BCKDHB: variants seen among roughly 807,000 people sequenced by gnomAD.
BCKDHB encodes the protein branched chain keto acid dehydrogenase E1 subunit beta, also known as 2-oxoisovalerate dehydrogenase subunit beta, mitochondrial.
A neutral mutation model predicts 48.5 loss-of-function variants in BCKDHB; 41 were observed. The observed-to-expected ratio is 0.85, with a 90% CI of 0.66 to 1.10. The LOEUF (loss-of-function observed/expected upper bound fraction) is 1.10, where lower values mean the gene tolerates loss of function less well. BCKDHB is among the 50% of genes least tolerant of loss of function. BCKDHB has a pLI of 0.00. For missense variants in BCKDHB, 496 were observed against 494.2 expected, an observed-to-expected ratio of 1.00 and a Z score of -0.03; for synonymous variants, 201 against 174.8, an observed-to-expected ratio of 1.15 and a Z score of -1.18.
At chr6:80,236,619 A>G (rs1342645269) in intron 8 of BCKDHB, among the ~76,000 whole-genome samples, 1 of 152,204 alleles carries the variant, frequency 6.6e-6, no homozygotes, top group Non-Finnish European at 1.5e-5. Flanking sequence ...AGGTAGTTAC[A>G]TTGAAAATAC....
At chr6:80,125,622 C>A (rs560956027) in intron 1 of BCKDHB, among the ~76,000 whole-genome samples, 11 of 152,192 alleles carry the variant, frequency 7.2e-5, no homozygotes, top group African/African-American at 2.6e-4. Context: ...CACTGTAGGT[C>A]TAATTTTCAT....
the BCKDHB span, among the ~76,000 whole-genome samples, chr6:80,456,614 A>G: frequency 5.3e-5 from 8 of 152,240 alleles, no homozygotes; most frequent in Non-Finnish European, 1.2e-4. Context: ...GTATGAAGAT[A>G]ATATTTAGCC....
intron 3 of BCKDHB, among the ~76,000 whole-genome samples, chr6:80,129,775 G>A (rs766670930): frequency 2.6e-4 from 39 of 152,008 alleles, no homozygotes; most frequent in Non-Finnish European, 4.3e-4. Context: ...CTTTTTGCTC[G>A]GGAACCTGCA....
At chr6:80,164,867 G>A (rs1383666161) in intron 3 of BCKDHB, among the ~76,000 whole-genome samples, 1 of 152,138 alleles carries the variant, frequency 6.6e-6, no homozygotes, top group East Asian at 1.9e-4. Context: ...ATAAGATAGA[G>A]GAAGTCATCA....
At chr6:80,246,479 A>C (rs1269520607) in intron 8 of BCKDHB, among the ~76,000 whole-genome samples, 1 of 152,168 alleles carries the variant, frequency 6.6e-6, no homozygotes, top group Non-Finnish European at 1.5e-5. Context: ...GCAGTTCTTC[A>C]TGCTTACTAG....
the BCKDHB span, among the ~76,000 whole-genome samples, chr6:80,415,153 C>A: frequency 1.3e-5 from 2 of 152,032 alleles, no homozygotes; most frequent in Non-Finnish European, 2.9e-5. Flanking sequence ...CAGCTGAAGG[C>A]GCTTTTGGGC....
intron 8 of BCKDHB, among the ~76,000 whole-genome samples, chr6:80,223,396 A>G (rs1417470992): frequency 6.6e-6 from 1 of 152,164 alleles, no homozygotes; most frequent in East Asian, 1.9e-4. Context: ...TCCTTTGGTT[A>G]CATTCACATT....
chr6:80,444,299 G>T, the BCKDHB span, among the ~76,000 whole-genome samples: 194 of 152,030 alleles, frequency 1.3e-3, 8 homozygotes, highest in South Asian at 0.038. Context: ...TAAGAAAATT[G>T]CTTTGGAATC....
At chr6:80,360,679 A>G in the BCKDHB span, among the ~76,000 whole-genome samples, 1 of 152,142 alleles carries the variant, frequency 6.6e-6, no homozygotes, top group Non-Finnish European at 1.5e-5. Flanking sequence ...AATTTATTTA[A>G]GGAATCTAAT....
At chr6:80,432,073 G>A in the BCKDHB span, among the ~76,000 whole-genome samples, 1 of 152,168 alleles carries the variant, frequency 6.6e-6, no homozygotes, top group East Asian at 1.9e-4. Context: ...CTGTTAGTCT[G>A]ATGGGCTTCC....
intron 7 of BCKDHB, among the ~76,000 whole-genome samples, chr6:80,201,988 A>G (rs1256457072): frequency 6.6e-6 from 1 of 151,602 alleles, no homozygotes; most frequent in Non-Finnish European, 1.5e-5. Context: ...CAGTGGGGTA[A>G]CTCTGCTGCT....
intron 8 of BCKDHB, 109 bp from the exon 9 acceptor site, chr6:80,273,026 C>A: frequency 1.2e-6 from 1 of 822,684 alleles, no homozygotes; most frequent in Non-Finnish European, 2.0e-6. Context: ...CTGATTTTTA[C>A]ACTATTTATT....
chr6:80,220,304 G>GTTTTTTTTTTTTTTTTTTTTTTTTTT (rs56967096), intron 8 of BCKDHB, among the ~76,000 whole-genome samples: 3 of 60,856 alleles, frequency 4.9e-5, no homozygotes, highest in Admixed American at 2.5e-4. Flanking sequence ...CATGCTATTT[G>GTTTTTTTTTTTTTTTTTTTTTTTTTT]TTTTTTTTTT....
intron 8 of BCKDHB, among the ~76,000 whole-genome samples, chr6:80,235,939 A>G (rs1182998136): frequency 6.6e-6 from 1 of 152,204 alleles, no homozygotes; most frequent in African/African-American, 2.4e-5. Flanking sequence ...TTTGAAACTC[A>G]GATATTAATG....
chr6:80,388,469 G>T, the BCKDHB span, among the ~76,000 whole-genome samples: 1 of 152,122 alleles, frequency 6.6e-6, no homozygotes, highest in South Asian at 2.1e-4. Flanking sequence ...ATTTGACTAT[G>T]GGTCATCAAG....
the BCKDHB span, among the ~76,000 whole-genome samples, chr6:80,362,776 T>C: frequency 6.6e-6 from 1 of 152,200 alleles, no homozygotes; most frequent in Admixed American, 6.5e-5. Context: ...TTTTAAATAA[T>C]ATTTTTTCTC....
At chr6:80,444,384 C>T in the BCKDHB span, among the ~76,000 whole-genome samples, 9 of 152,102 alleles carry the variant, frequency 5.9e-5, no homozygotes, top group South Asian at 2.1e-4. Context: ...AAACATGTTA[C>T]GCCATGCCAG....
chr6:80,293,101 AC>A (rs1767019070), intron 9 of BCKDHB, among the ~76,000 whole-genome samples: 1 of 152,014 alleles, frequency 6.6e-6, no homozygotes, highest in Non-Finnish European at 1.5e-5. Flanking sequence ...CAGTATATCT[AC>A]CATTTTGGGG....
At chr6:80,170,124 A>G (rs1772828230) in intron 5 of BCKDHB, among the ~76,000 whole-genome samples, 1 of 152,116 alleles carries the variant, frequency 6.6e-6, no homozygotes, top group Non-Finnish European at 1.5e-5. Flanking sequence ...AGGGAACTTA[A>G]AAAGTAGGAA....
Sources: allele counts gnomAD v4.1 joint callset (sites outside exome capture counted in the v4.1 genomes callset), GRCh38; gene constraint gnomAD v4.1.1; transcripts MANE v1.5; gene names NCBI Gene and HGNC (gene_info 2026-07-23, HGNC 2026-07-21).